Variants in OPRD1 observed in about 807,000 individuals in gnomAD.
OPRD1 encodes delta-type opioid receptor.
OPRD1 carries 19 observed loss-of-function variants against 17.5 expected under a neutral mutation model. The ratio of observed to expected loss-of-function variants is 1.09; its 90% CI spans 0.76 to 1.60. The LOEUF (loss-of-function observed/expected upper bound fraction) is 1.60. Ranked by LOEUF, OPRD1 falls within the 40% of genes most tolerant of loss-of-function variation. The probability of loss-of-function intolerance (pLI) is 0.00; values close to 1 mark genes in which losing one functional copy is unlikely to be tolerated. For synonymous variants in OPRD1, 256 were observed against 240.9 expected (o/e 1.06, Z -0.58); for missense variants, 483 against 547.2 (o/e 0.88, Z 1.17).
At position 28,865,074 on chromosome 1, in the gene OPRD1, T is replaced by G. The variant is rs777329319; in HGVS notation, c.*1791T>G. 6.6e-6 allele frequency: 1 copy of G among 151,958 alleles called. No individual in the cohort carries two copies. The allele number at this position is 151,958 out of a possible 1,614,324, so 9.4% of individuals were successfully genotyped here. On this transcript the variant is annotated 3_prime_UTR_variant, in exon 3 of 3. Transcript: ENST00000234961. ...GCTGAGAGTGATATCCACCTGGAGTTGGGTGTAGAAGTTTTTCTTTTCATT... is the reference window on the plus strand; with the variant it reads ...GCTGAGAGTGATATCCACCTGGAGTGGGGTGTAGAAGTTTTTCTTTTCATT...
chr1:28,856,887 A>T (rs912438410), intron 1 of OPRD1, among the ~76,000 whole-genome samples: 4 of 152,072 alleles, frequency 2.6e-5, no homozygotes, highest in Non-Finnish European at 4.4e-5. Context: ...TCCCCACACC[A>T]CTGTGGATGG....
intron 1 of OPRD1, among the ~76,000 whole-genome samples, chr1:28,843,292 A>T (rs1376901361): frequency 6.6e-6 from 1 of 152,198 alleles, no homozygotes; most frequent in Non-Finnish European, 1.5e-5. Flanking sequence ...ACACAACATA[A>T]AAAATACCAT....
At chr1:28,859,474 A>G (rs768459720) in intron 2 of OPRD1, among the ~76,000 whole-genome samples, 171 bp downstream of exon 2, 2 of 152,174 alleles carry the variant, frequency 1.3e-5, no homozygotes, top group African/African-American at 2.4e-5. Context: ...GGAGTGTAGA[A>G]GAAGGTCAAC....
Position 28,868,497 on chromosome 1 carries a change from G to A in OPRD1, c.*5214G>A, listed in dbSNP as rs570320490. ...CAGGCTTATTCTCTGATAATTACAC[G>A]TGTGCCAGAGGCAGCTGCTCTAAGG... is the stretch of plus-strand genomic sequence containing the variant. On this transcript the variant is annotated 3_prime_UTR_variant, in exon 3 of 3. Coordinates refer to ENST00000234961, the MANE Select transcript of OPRD1 (RefSeq NM_000911.4). The A allele has an allele frequency of 1.3e-5, 2 of 152,214 alleles. No homozygotes were observed. The highest frequency in any genetic ancestry group is 2.9e-5 in the Non-Finnish European group (2 of 68,058). 9.4% of individuals were successfully genotyped at this position (152,214 alleles called of 1,614,324 possible).
chr1:28,842,738 C>T (rs1214892121), intron 1 of OPRD1, among the ~76,000 whole-genome samples: 1 of 152,058 alleles, frequency 6.6e-6, no homozygotes, highest in Non-Finnish European at 1.5e-5. Context: ...GTCCCTACCC[C>T]CTGATTGGAT....
rs2088636734 is a variant in OPRD1, at chr1:28,812,350, G to C, written c.-34G>C. On this transcript the variant is annotated 5_prime_UTR_variant, in exon 1 of 3. Transcript: ENST00000234961. ...CGGATCCCCGCGCCCAGGGCGCACG[G>C]TGGAGAGGGACGCGGCGGAGCCGGC... 3.4e-5 allele frequency: 46 copies of C among 1,334,938 alleles called. No homozygotes were observed. Among genetic ancestry groups the C allele is most frequent in the Non-Finnish European group, 4.3e-5 (45 of 1,045,352 alleles). The allele number at this position is 1,334,938 out of a possible 1,614,324, so 82.7% of individuals were successfully genotyped here. A position where few individuals can be genotyped will look rare whatever the true frequency, so the allele number is the denominator to read the frequency against.
chr1:28,846,910 T>C (rs1469915359), intron 1 of OPRD1, among the ~76,000 whole-genome samples: 1 of 139,152 alleles, frequency 7.2e-6, no homozygotes, highest in African/African-American at 2.7e-5. Flanking sequence ...TCTTTCTTTT[T>C]CTTTCTTTCT....
intron 1 of OPRD1, among the ~76,000 whole-genome samples, chr1:28,818,868 A>G (rs2088690620): frequency 6.6e-6 from 1 of 152,040 alleles, no homozygotes; most frequent in Non-Finnish European, 1.5e-5. Flanking sequence ...CTGAGGTTCT[A>G]GTCTGGATGT....
chr1:28,828,877 C>T (rs1376807888), intron 1 of OPRD1, among the ~76,000 whole-genome samples: 1 of 151,778 alleles, frequency 6.6e-6, no homozygotes, highest in African/African-American at 2.4e-5. Context: ...GTAATCCCAG[C>T]TCCTCGGGAG....
intron 1 of OPRD1, among the ~76,000 whole-genome samples, chr1:28,824,114 G>T (rs1166571453): frequency 2.0e-5 from 3 of 149,912 alleles, no homozygotes; most frequent in Non-Finnish European, 3.0e-5. Context: ...GGGAGGCGGA[G>T]GTTGCAGTGA....
At chr1:28,826,861 T>C (rs889694942) in intron 1 of OPRD1, among the ~76,000 whole-genome samples, 47 of 152,354 alleles carry the variant, frequency 3.1e-4, no homozygotes, top group African/African-American at 1.1e-3. Context: ...TTACCAACAG[T>C]AGAACTTTCA....
intron 1 of OPRD1, among the ~76,000 whole-genome samples, chr1:28,853,336 C>A (rs781222355): frequency 3.3e-5 from 5 of 152,130 alleles, no homozygotes; most frequent in African/African-American, 4.8e-5. Flanking sequence ...ATCAAGGGGG[C>A]CTTGGGTTAA....
chr1:28,853,080 A>G (rs984474910), intron 1 of OPRD1, among the ~76,000 whole-genome samples: 1 of 152,212 alleles, frequency 6.6e-6, no homozygotes, highest in Non-Finnish European at 1.5e-5. Flanking sequence ...GGAGAGAGGA[A>G]CAATTGAGTG....
intron 1 of OPRD1, among the ~76,000 whole-genome samples, chr1:28,813,861 C>G (rs2088651998): frequency 1.3e-5 from 2 of 152,144 alleles, no homozygotes; most frequent in South Asian, 4.1e-4. Flanking sequence ...TTCTTCCTGC[C>G]CTGCCTCCCA....
intron 1 of OPRD1, among the ~76,000 whole-genome samples, chr1:28,846,866 C>CTTTCTTTCTTTCTTTCT (rs2088954379): frequency 1.8e-5 from 1 of 54,480 alleles, no homozygotes; most frequent in African/African-American, 4.1e-5. Flanking sequence ...TTCTTTCTTT[C>CTTTCTTTCTTTCTTTCT]TTTCTTTCTT....
chr1:28,824,396 C>G (rs1182261797), intron 1 of OPRD1, among the ~76,000 whole-genome samples: 1 of 147,650 alleles, frequency 6.8e-6, no homozygotes, highest in Non-Finnish European at 1.5e-5. Context: ...CTCACTGCAG[C>G]TCCACCTCCT....
Position 28,866,438 on chromosome 1 carries a change from C to T in OPRD1, c.*3155C>T, listed in dbSNP as rs2089176065. On this transcript the variant is annotated 3_prime_UTR_variant, in exon 3 of 3. Transcript: ENST00000234961. ...GGTGCAGCTGGAGCATGGGGCTTAA[C>T]TAAGCTCTTCTGTGTGCCAGGCTCT... 1 of 152,260 alleles carries T rather than the reference C, an allele frequency of 6.6e-6. No homozygotes were observed. Among genetic ancestry groups the T allele is most frequent in the East Asian group, 1.9e-4 (1 of 5,188 alleles). 9.4% of individuals were successfully genotyped at this position (152,260 alleles called of 1,614,324 possible). A position where few individuals can be genotyped will look rare whatever the true frequency, so the allele number is the denominator to read the frequency against.
At chr1:28,823,587 GGTT>G (rs2088735370) in intron 1 of OPRD1, among the ~76,000 whole-genome samples, 1 of 151,842 alleles carries the variant, frequency 6.6e-6, no homozygotes. Context: ...GTAGAGACGG[GGTT>G]TCACCATGTT....
intron 1 of OPRD1, among the ~76,000 whole-genome samples, chr1:28,834,444 G>C (rs533178452): frequency 7.0e-6 from 1 of 142,890 alleles, no homozygotes; most frequent in East Asian, 2.1e-4. Flanking sequence ...GTAGTAACTC[G>C]ATCTCGGTTC....
Sources: allele counts gnomAD v4.1 joint callset (sites outside exome capture counted in the v4.1 genomes callset), GRCh38; gene constraint gnomAD v4.1.1; transcripts MANE v1.5; gene names NCBI Gene and HGNC (gene_info 2026-07-23, HGNC 2026-07-21).